TET3: variants seen among roughly 807,000 people sequenced by gnomAD.
The protein encoded by TET3 is tet methylcytosine dioxygenase 3.
TET3 carries 19 observed loss-of-function variants against 141.4 expected under a neutral mutation model. The ratio of observed to expected loss-of-function variants is 0.13; its 90% CI spans 0.09 to 0.20. The LOEUF is 0.20. Ranked by LOEUF, TET3 falls within the 10% of genes least tolerant of loss-of-function variation. TET3 has a pLI of 1.00. For synonymous variants in TET3, 1,043 were observed against 980.9 expected (o/e 1.06, Z -1.18); for missense variants, 1,874 against 2,356.9 (o/e 0.80, Z 4.24).
intron 2 of TET3, among the ~76,000 whole-genome samples, chr2:73,996,179 C>T (rs1237590138): frequency 1.3e-5 from 2 of 152,138 alleles, no homozygotes; most frequent in Non-Finnish European, 2.9e-5. Context: ...CTGGGCGGGC[C>T]GGAAGACCAG....
At chr2:74,099,700 A>C in intron 11 of TET3, 88 bp downstream of exon 11, 1 of 1,309,204 alleles carries the variant, frequency 7.6e-7, no homozygotes, top group Non-Finnish European at 1.0e-6. Flanking sequence ...CCTGCATCAC[A>C]CTGGAACTGG....
chr2:74,046,351 A>G lies in TET3; in HGVS notation c.434A>G (p.Asp145Gly). ...QMDSGPVYHG[D>G]SRQLSASGVP... ...GACTCAGGGCCAGTGTACCATGGGGACTCACGGCAGCTAAGCGCCTCAGGG... is the reference window on the plus strand; with the variant it reads ...GACTCAGGGCCAGTGTACCATGGGGGCTCACGGCAGCTAAGCGCCTCAGGG... Residue 145 changes from aspartate (D) to glycine (G), a missense_variant, in exon 4 of 12, where the codon GAC (aspartate) becomes GGC (glycine). By Grantham distance (94) the Asp-to-Gly change is moderately conservative (BLOSUM62 -1). Around this residue, in one of 10 missense-constraint regions of TET3, gnomAD observed 366 missense variants for 487.0 expected, o/e 0.75. Transcript: ENST00000409262. The surrounding 1 kb of genome is among the most constrained non-coding windows in gnomAD (Gnocchi z 4.3). 1 of 1,527,728 alleles carries G rather than the reference A, an allele frequency of 6.5e-7. No individual in the cohort carries two copies. Among genetic ancestry groups the G allele is most frequent in the Non-Finnish European group, 8.8e-7 (1 of 1,141,302 alleles). 94.6% of individuals were successfully genotyped at this position (1,527,728 alleles called of 1,614,324 possible).
intron 4 of TET3, among the ~76,000 whole-genome samples, chr2:74,051,291 G>A (rs538036746): frequency 6.0e-4 from 92 of 152,286 alleles, no homozygotes; most frequent in Non-Finnish European, 1.2e-3. Context: ...AGAGAAACCA[G>A]ACCTCCAGGA....
intron 2 of TET3, 97 bp downstream of exon 2, chr2:73,986,803 C>T: frequency 9.1e-7 from 1 of 1,100,826 alleles, no homozygotes; most frequent in South Asian, 4.8e-5. Context: ...TGAGTCCATT[C>T]TCTCATTTCT....
intron 2 of TET3, chr2:73,998,547 T>TTGCTGC (rs374158585): frequency 6.6e-6 from 1 of 152,670 alleles, no homozygotes; most frequent in South Asian, 2.1e-4. Flanking sequence ...TCTTCTTCTG[T>TTGCTGC]TGCTGCTGCT....
intron 4 of TET3, among the ~76,000 whole-genome samples, chr2:74,066,732 T>G (rs1688925437): frequency 6.6e-6 from 1 of 152,184 alleles, no homozygotes; most frequent in African/African-American, 2.4e-5. Flanking sequence ...CAGTTCTAGG[T>G]TGTCTTGGTT....
intron 4 of TET3, among the ~76,000 whole-genome samples, chr2:74,049,928 G>A (rs1687854649): frequency 6.6e-6 from 1 of 152,078 alleles, no homozygotes; most frequent in African/African-American, 2.4e-5. Flanking sequence ...TCTTAGATAT[G>A]ACTAGTAACG....
chr2:73,996,041 A>G (rs976731341), intron 2 of TET3, among the ~76,000 whole-genome samples: 2 of 151,980 alleles, frequency 1.3e-5, no homozygotes, highest in Non-Finnish European at 2.9e-5. Context: ...CCCCACCTAC[A>G]GTCTTGGTCA....
chr2:74,055,955 C>G (rs1688192984), intron 4 of TET3, among the ~76,000 whole-genome samples: 1 of 152,160 alleles, frequency 6.6e-6, no homozygotes, highest in Non-Finnish European at 1.5e-5. Flanking sequence ...TTGGACTTCT[C>G]AGACTCCAGA....
At position 74,068,359 on chromosome 2, in the gene TET3, T is replaced by C. The variant is rs866235181; in HGVS notation, c.2495-5190T>C. On this transcript the variant is annotated intron_variant, in intron 4 of 11. Coordinates refer to ENST00000409262, the MANE Select transcript of TET3 (RefSeq NM_001287491.2). Reference sequence around the variant, plus strand: ...TGTACACGAACTAGCATCTTATACATGCTGTACTGAAATTTTTTTTCTCCC... The same window carrying C: ...TGTACACGAACTAGCATCTTATACACGCTGTACTGAAATTTTTTTTCTCCC... 3.3e-4 allele frequency among the ~76,000 whole-genome samples: 50 copies of C among 152,260 alleles called. No individual in the cohort carries two copies. In the Middle Eastern group the frequency reaches 0.031, roughly 93 times the overall value.
chr2:74,084,398 G>A (rs1217796971), intron 6 of TET3, among the ~76,000 whole-genome samples: 6 of 152,042 alleles, frequency 3.9e-5, no homozygotes, highest in South Asian at 2.1e-4. Context: ...GAGACCAAGC[G>A]GGCAGCTCAC....
chr2:74,005,731 A>G (rs1258740606), intron 3 of TET3, among the ~76,000 whole-genome samples: 1 of 152,224 alleles, frequency 6.6e-6, no homozygotes, highest in Non-Finnish European at 1.5e-5. Context: ...AAGTCCTGCC[A>G]GGGTTTCAGG....
the TET3 span, among the ~76,000 whole-genome samples, chr2:74,126,305 C>T: frequency 6.6e-6 from 1 of 152,104 alleles, no homozygotes; most frequent in East Asian, 1.9e-4. Flanking sequence ...TCTATTAATG[C>T]TTCTCACGTC....
Position 74,093,688 on chromosome 2 carries a change from G to A in TET3, c.3267+22G>A. The A allele has an allele frequency of 1.9e-6, 3 of 1,556,272 alleles. No homozygotes were observed. The highest frequency in any genetic ancestry group is 2.6e-6 in the Non-Finnish European group (3 of 1,145,066). ...CGTGGTAAGCCTGTGCCCTGTCATA[G>A]CCCCACCTGTGGGGCAACTGTGGGA... On this transcript the variant is annotated intron_variant, in intron 10 of 11. Transcript: ENST00000409262. This position sits in a 1 kb window ranked among gnomAD's most constrained non-coding sequence, Gnocchi z 4.2.
rs905545220 is a variant in TET3 at position 74,105,813 on chromosome 2, A to G, written c.*3637A>G. On this transcript the variant is annotated 3_prime_UTR_variant, in exon 12 of 12. Transcript: ENST00000409262. ...TAATTTCATTGAGAGAAACCCAGCC[A>G]GACTTGCTTCTAGAGGTTTAATCAC... The G allele has an allele frequency of 3.1e-5, 5 of 158,994 alleles. No individual in the cohort carries two copies. In the Admixed American group the frequency reaches 3.2e-4, roughly 10 times the overall value. The allele number at this position is 158,994 out of a possible 1,614,324, so 9.8% of individuals were successfully genotyped here.
intron 4 of TET3, among the ~76,000 whole-genome samples, chr2:74,065,257 GTGTT>G (rs1688818014): frequency 6.6e-6 from 1 of 152,192 alleles, no homozygotes; most frequent in African/African-American, 2.4e-5. Context: ...GGACAAAGGA[GTGTT>G]TGTTATTTTT....
At chr2:74,025,424 A>T (rs894602557) in intron 3 of TET3, among the ~76,000 whole-genome samples, 1 of 150,552 alleles carries the variant, frequency 6.6e-6, no homozygotes, top group Non-Finnish European at 1.5e-5. Flanking sequence ...AGTAGCTGGG[A>T]CCACAGGCAC....
chr2:73,999,588 C>G (rs573607881), intron 2 of TET3, among the ~76,000 whole-genome samples: 1 of 152,058 alleles, frequency 6.6e-6, no homozygotes. Context: ...GCGAGTAAAT[C>G]CATTCACCTC....
In TET3 at chr2:74,100,601, C is replaced by T. The variant is rs371778299; in HGVS notation, c.3813C>T (p.Ser1271=). 25 of 1,613,802 alleles carry T rather than the reference C, an allele frequency of 1.5e-5. No individual in the cohort carries two copies. Among genetic ancestry groups the T allele is most frequent in the African/African-American group, 4.0e-5 (3 of 74,934 alleles). Reference sequence around the variant, plus strand: ...ACTATGCACAGCCCAGCCTGACCTCCGTCAATGGCTTCCACTCCAAGTACG... The same window carrying T: ...ACTATGCACAGCCCAGCCTGACCTCTGTCAATGGCTTCCACTCCAAGTACG... ...HSYYAQPSLT[S]VNGFHSKYAL... is the part of the protein sequence containing the mutation. Residue 1271 remains serine (S), a synonymous_variant, in exon 12 of 12, where the codon TCC becomes TCT. Transcript: ENST00000409262.
Sources: gnomAD v4.1 joint callset for allele counts (sites outside exome capture counted in the v4.1 genomes callset) on GRCh38, gnomAD v4.1.1 for gene constraint, gnomAD v4.1.1 regional missense constraint, Gnocchi (gnomAD v3.1) non-coding constraint, MANE v1.5 for transcripts, NCBI Gene and HGNC (gene_info 2026-07-23, HGNC 2026-07-21) for gene names.